Variants in RFTN2 observed in about 807,000 individuals in gnomAD.
The protein encoded by RFTN2 is raftlin-2.
Under a neutral mutation model 52.7 loss-of-function variants are expected in RFTN2, and 34 were observed. The ratio of observed to expected loss-of-function variants is 0.64; its 90% CI spans 0.49 to 0.86. RFTN2 has a LOEUF of 0.86. Ranked by LOEUF, RFTN2 falls within the 40% of genes least tolerant of loss-of-function variation. The pLI is 0.00. For missense variants in RFTN2, 536 were observed against 600.1 expected (o/e 0.89, Z 1.12); for synonymous variants, 203 against 217.7 (o/e 0.93, Z 0.59).
chr2:197,590,009 C>T (rs150521607), intron 8 of RFTN2, among the ~76,000 whole-genome samples: 8 of 152,118 alleles, frequency 5.3e-5, no homozygotes, highest in South Asian at 2.1e-4. Context: ...CAGGCTCCAG[C>T]GATCCCCCCA....
At position 197,571,954 on chromosome 2, in the gene RFTN2, T is replaced by G; in HGVS notation, c.*54A>C. 6.4e-7 allele frequency: 1 copy of G among 1,552,924 alleles called. No homozygotes were observed. Among genetic ancestry groups the G allele is most frequent in the East Asian group, 2.3e-5 (1 of 44,282 alleles). ...GAGAAAGTAATACAATAAGGTCAGT[T>G]GGCAATGATTTTAACAATTATTTAC... On this transcript the variant is annotated 3_prime_UTR_variant, in exon 9 of 9. Transcript: ENST00000295049.
chr2:197,572,740 T>C (rs2087339806), intron 8 of RFTN2, among the ~76,000 whole-genome samples: 1 of 152,194 alleles, frequency 6.6e-6, no homozygotes, highest in Non-Finnish European at 1.5e-5. Flanking sequence ...CACAGTGATA[T>C]GGTTTGGCTG....
chr2:197,636,346 C>T (rs1342301192), intron 3 of RFTN2, among the ~76,000 whole-genome samples: 15 of 131,160 alleles, frequency 1.1e-4, no homozygotes, highest in East Asian at 4.1e-4. Context: ...GCCATTTTCA[C>T]GATATTGATT....
intron 8 of RFTN2, among the ~76,000 whole-genome samples, chr2:197,592,331 G>A (rs1442376668): frequency 6.6e-6 from 1 of 152,194 alleles, no homozygotes; most frequent in Non-Finnish European, 1.5e-5. Flanking sequence ...GAGTAGCTGG[G>A]ATTACAGGCA....
At chr2:197,623,481 T>C (rs1435592084) in intron 5 of RFTN2, among the ~76,000 whole-genome samples, 1 of 152,092 alleles carries the variant, frequency 6.6e-6, no homozygotes, top group Non-Finnish European at 1.5e-5. Flanking sequence ...TTCTTTTTTG[T>C]TGTTGTTGTT....
At chr2:197,590,227 C>T (rs2087680961) in intron 8 of RFTN2, among the ~76,000 whole-genome samples, 1 of 152,056 alleles carries the variant, frequency 6.6e-6, no homozygotes, top group Non-Finnish European at 1.5e-5. Flanking sequence ...TTGCCTAACT[C>T]CACTTGACAA....
rs567475850 is a variant in RFTN2, at chr2:197,635,021, A to C, written c.439-1024T>G. On this transcript the variant is annotated intron_variant, in intron 3 of 8. Transcript: ENST00000295049. ...TTGTTCTTGCGATAGTTTACTAAGA[A>C]TGATGATTTCCAATTTCATCCATGT... 5.4e-3 allele frequency among the ~76,000 whole-genome samples: 814 copies of C among 152,116 alleles called. 7 individuals are homozygous for C. Among genetic ancestry groups the C allele is most frequent in the Non-Finnish European group, 8.7e-3 (593 of 68,014 alleles).
intron 8 of RFTN2, among the ~76,000 whole-genome samples, chr2:197,579,444 C>T (rs1343540768): frequency 2.0e-5 from 3 of 152,180 alleles, no homozygotes; most frequent in Non-Finnish European, 4.4e-5. Flanking sequence ...ACCTAAACAC[C>T]TTATTTTCTT....
At chr2:197,638,627 G>T (rs532599519) in intron 3 of RFTN2, among the ~76,000 whole-genome samples, 1 of 147,888 alleles carries the variant, frequency 6.8e-6, no homozygotes, top group Non-Finnish European at 1.5e-5. Flanking sequence ...TTGAGCCTAT[G>T]TGTGTTTCTG....
Position 197,624,796 on chromosome 2 carries a change from A to G in RFTN2, c.928+6215T>C, listed in dbSNP as rs1158826162. ...GGCAACATAGTGAGATCCTGTCTCTAAAAAAATAGCCAGTGTGGTGGTGCA... is the reference window on the plus strand; with the variant it reads ...GGCAACATAGTGAGATCCTGTCTCTGAAAAAATAGCCAGTGTGGTGGTGCA... On this transcript the variant is annotated intron_variant, in intron 5 of 8. Transcript: ENST00000295049. Among the ~76,000 whole-genome samples the G allele has an allele frequency of 2.0e-5, 3 of 151,780 alleles. No homozygotes were observed. The East Asian group carries it at 5.8e-4, about 29-fold the overall frequency.
chr2:197,582,786 C>G (rs2087530221), intron 8 of RFTN2, among the ~76,000 whole-genome samples: 1 of 152,162 alleles, frequency 6.6e-6, no homozygotes, highest in Admixed American at 6.5e-5. Context: ...TATTTACTTC[C>G]AAAGGAAGCT....
At chr2:197,611,299 T>C (rs976021872) in intron 7 of RFTN2, among the ~76,000 whole-genome samples, 1 of 152,208 alleles carries the variant, frequency 6.6e-6, no homozygotes, top group Non-Finnish European at 1.5e-5. Context: ...AACCTGTTAG[T>C]GGTCTAGTCA....
Position 197,571,474 on chromosome 2 carries a change from T to A in RFTN2, c.*534A>T, listed in dbSNP as rs1228126389. 6.5e-6 allele frequency: 1 copy of A among 154,084 alleles called. No individual in the cohort carries two copies. The highest frequency in any genetic ancestry group is 1.4e-5 in the Non-Finnish European group (1 of 69,028). 9.5% of individuals were successfully genotyped at this position (154,084 alleles called of 1,614,324 possible). A position where few individuals can be genotyped will look rare whatever the true frequency, so the allele number is the denominator to read the frequency against. On this transcript the variant is annotated 3_prime_UTR_variant, in exon 9 of 9. Coordinates refer to ENST00000295049, the MANE Select transcript of RFTN2 (RefSeq NM_144629.3). ...AAAAATATTTTAACACATAGGGGCTTGCTTTGTATATACATGCTATAGTTA... is the reference window on the plus strand; with the variant it reads ...AAAAATATTTTAACACATAGGGGCTAGCTTTGTATATACATGCTATAGTTA...
intron 1 of RFTN2, among the ~76,000 whole-genome samples, chr2:197,667,041 T>C (rs11893510): frequency 0.048 from 7,274 of 152,300 alleles, 555 homozygotes; most frequent in African/African-American, 0.16. Context: ...GCTAACAGGC[T>C]GGAGTGCAGT....
intron 7 of RFTN2, among the ~76,000 whole-genome samples, chr2:197,610,805 G>A (rs2088044934): frequency 1.3e-5 from 2 of 152,180 alleles, no homozygotes; most frequent in Admixed American, 6.5e-5. Flanking sequence ...CTAGTTTATT[G>A]AGAGTTTTTA....
chr2:197,569,224 T>C lies in RFTN2; in HGVS notation c.*2784A>G, dbSNP rs2087278566. On this transcript the variant is annotated 3_prime_UTR_variant, in exon 9 of 9. Coordinates refer to ENST00000295049, the MANE Select transcript of RFTN2 (RefSeq NM_144629.3). ...CTTCACCCAACATCTGGGATCTTGA[T>C]ACCTTTCATTATAACTTACAGGTTT... 1 of 152,224 alleles carries C rather than the reference T, an allele frequency of 6.6e-6. No individual in the cohort carries two copies. Among genetic ancestry groups the C allele is most frequent in the African/African-American group, 2.4e-5 (1 of 41,466 alleles). The allele number at this position is 152,224 out of a possible 1,614,324, so 9.4% of individuals were successfully genotyped here.
chr2:197,606,562 AT>A (rs1463084714), intron 7 of RFTN2, among the ~76,000 whole-genome samples: 2 of 152,064 alleles, frequency 1.3e-5, no homozygotes, highest in African/African-American at 4.8e-5. Context: ...ATGGGAGAAA[AT>A]TTTCGCAACC....
chr2:197,670,932 G>T (rs2106277003), intron 1 of RFTN2, among the ~76,000 whole-genome samples: 1 of 152,230 alleles, frequency 6.6e-6, no homozygotes, highest in South Asian at 2.1e-4. Flanking sequence ...AATCCAGCCA[G>T]TCACAGGCTA....
intron 1 of RFTN2, among the ~76,000 whole-genome samples, chr2:197,672,546 A>C (rs2089161329): frequency 6.6e-6 from 1 of 152,228 alleles, no homozygotes. Context: ...TCTCAGAGGA[A>C]GGATCATAAC....
Sources: allele counts gnomAD v4.1 joint callset (sites outside exome capture counted in the v4.1 genomes callset), GRCh38; gene constraint gnomAD v4.1.1; transcripts MANE v1.5; gene names NCBI Gene and HGNC (gene_info 2026-07-23, HGNC 2026-07-21).